Variants in CTNNA3 observed in about 807,000 individuals in gnomAD.
The protein encoded by CTNNA3 is catenin alpha 3.
Under a neutral mutation model 95.7 loss-of-function variants are expected in CTNNA3, and 76 were observed. That is an observed-to-expected ratio of 0.79 (90% confidence interval 0.66 to 0.96). The LOEUF (loss-of-function observed/expected upper bound fraction) is 0.96, where lower values mean the gene tolerates loss of function less well. CTNNA3 is among the 40% of genes least tolerant of loss of function. The pLI is 0.00. For missense variants in CTNNA3, 1,191 were observed against 1,089.8 expected, an observed-to-expected ratio of 1.09 and a Z score of -1.31; for synonymous variants, 431 against 374.4, an observed-to-expected ratio of 1.15 and a Z score of -1.74.
chr10:66,804,961 A>G (rs1841583225), intron 7 of CTNNA3, among the ~76,000 whole-genome samples: 1 of 152,072 alleles, frequency 6.6e-6, no homozygotes, highest in Non-Finnish European at 1.5e-5. Flanking sequence ...TGTTTGTGCA[A>G]ATAATATGCT....
chr10:67,259,080 T>G (rs529882016), intron 5 of CTNNA3, among the ~76,000 whole-genome samples: 2 of 152,340 alleles, frequency 1.3e-5, no homozygotes, highest in South Asian at 4.1e-4. Flanking sequence ...CCCACATATT[T>G]TCAACCCACA....
intron 5 of CTNNA3, among the ~76,000 whole-genome samples, chr10:67,428,813 C>G (rs548615762): frequency 1.3e-5 from 2 of 152,060 alleles, no homozygotes; most frequent in African/African-American, 4.8e-5. Context: ...GCCTACCAGC[C>G]TACATATTTC....
At position 67,066,722 on chromosome 10, in the gene CTNNA3, C is replaced by G. The variant is rs1049137682; in HGVS notation, c.1047+113595G>C. Among the ~76,000 whole-genome samples the G allele has an allele frequency of 2.6e-5, 4 of 152,140 alleles. No individual in the cohort carries two copies. In the South Asian group the frequency reaches 6.2e-4, roughly 24 times the overall value. On this transcript the variant is annotated intron_variant, in intron 7 of 17. Transcript: ENST00000433211. ...TCCCTCTTCCTTTCTGCCTTCTACT[C>G]TTTATATTCTTCATTTTGGAAAGTT...
intron 11 of CTNNA3, among the ~76,000 whole-genome samples, chr10:66,487,508 G>A (rs991850596): frequency 4.0e-5 from 6 of 151,888 alleles, no homozygotes; most frequent in South Asian, 2.1e-4. Flanking sequence ...TTACAGGCGC[G>A]GAGCCACTGT....
At chr10:66,536,131 C>T (rs1057025989) in intron 10 of CTNNA3, among the ~76,000 whole-genome samples, 1 of 121,986 alleles carries the variant, frequency 8.2e-6, no homozygotes, top group South Asian at 3.2e-4. Context: ...GGAGGTGAAA[C>T]GACATGAGAG....
intron 7 of CTNNA3, among the ~76,000 whole-genome samples, chr10:66,795,327 A>G (rs1275634190): frequency 6.6e-6 from 1 of 152,174 alleles, no homozygotes; most frequent in Non-Finnish European, 1.5e-5. Flanking sequence ...CAGGCATGAA[A>G]ACAACATTCA....
chr10:67,292,865 G>T (rs1839891198), intron 5 of CTNNA3, among the ~76,000 whole-genome samples: 1 of 152,078 alleles, frequency 6.6e-6, no homozygotes, highest in East Asian at 1.9e-4. Flanking sequence ...TGCTCACCAT[G>T]TATCACAATT....
intron 7 of CTNNA3, among the ~76,000 whole-genome samples, chr10:67,158,609 G>A (rs766324931): frequency 2.6e-5 from 4 of 152,096 alleles, no homozygotes; most frequent in African/African-American, 7.2e-5. Context: ...ACATGTGCCC[G>A]CATAAGTGTA....
chr10:67,718,721 G>C (rs1042182029), intron 1 of CTNNA3, among the ~76,000 whole-genome samples: 1 of 151,828 alleles, frequency 6.6e-6, no homozygotes, highest in Non-Finnish European at 1.5e-5. Context: ...TTTATTGAGG[G>C]TTTTCGCATC....
chr10:66,723,496 CA>C (rs1554841458), intron 9 of CTNNA3, among the ~76,000 whole-genome samples: 1 of 151,920 alleles, frequency 6.6e-6, no homozygotes, highest in Non-Finnish European at 1.5e-5. Context: ...CTAAGGTCAT[CA>C]AAAAAAATCC....
intron 5 of CTNNA3, among the ~76,000 whole-genome samples, chr10:67,225,682 T>C (rs2132281521): frequency 6.6e-6 from 1 of 152,186 alleles, no homozygotes; most frequent in East Asian, 1.9e-4. Flanking sequence ...GGGAGAGTAC[T>C]ACATCAAGGG....
intron 1 of CTNNA3, among the ~76,000 whole-genome samples, chr10:67,724,199 G>A (rs542136301): frequency 2.0e-5 from 3 of 152,130 alleles, no homozygotes; most frequent in African/African-American, 7.2e-5. Context: ...TCTGGCTCTT[G>A]CTTTTAAGGA....
intron 9 of CTNNA3, among the ~76,000 whole-genome samples, chr10:66,647,195 G>A (rs1028471849): frequency 2.6e-5 from 4 of 151,944 alleles, no homozygotes; most frequent in African/African-American, 9.7e-5. Context: ...ACATCTAAAG[G>A]GTTCATACAC....
At chr10:66,220,620 G>A (rs867339435) in intron 13 of CTNNA3, among the ~76,000 whole-genome samples, 3 of 152,178 alleles carry the variant, frequency 2.0e-5, no homozygotes, top group African/African-American at 7.2e-5. Flanking sequence ...GAATCAGGCC[G>A]CACAAACGAA....
At chr10:67,706,929 T>A (rs892252833) in intron 1 of CTNNA3, among the ~76,000 whole-genome samples, 2 of 152,174 alleles carry the variant, frequency 1.3e-5, no homozygotes, top group African/African-American at 4.8e-5. Flanking sequence ...AAGGAGCTCT[T>A]GATTTTTGTC....
At chr10:67,120,381 T>A (rs914477007) in intron 7 of CTNNA3, among the ~76,000 whole-genome samples, 6 of 151,946 alleles carry the variant, frequency 3.9e-5, no homozygotes, top group Non-Finnish European at 5.9e-5. Flanking sequence ...GCAAGATATA[T>A]ATATTGATTT....
intron 13 of CTNNA3, among the ~76,000 whole-genome samples, chr10:66,110,850 G>A (rs2082095949): frequency 6.6e-6 from 1 of 152,098 alleles, no homozygotes; most frequent in South Asian, 2.1e-4. Context: ...AACAAACCTA[G>A]ATGGTATAAC....
At chr10:66,996,249 G>A (rs1314542326) in intron 7 of CTNNA3, among the ~76,000 whole-genome samples, 1 of 152,076 alleles carries the variant, frequency 6.6e-6, no homozygotes, top group Non-Finnish European at 1.5e-5. Context: ...AAATTTTAAC[G>A]CATCTTGAAT....
chr10:65,956,856 T>A (rs1307834156), intron 17 of CTNNA3, among the ~76,000 whole-genome samples: 1 of 152,244 alleles, frequency 6.6e-6, no homozygotes, highest in Non-Finnish European at 1.5e-5. Flanking sequence ...GAGAAGAATG[T>A]ATATTCTATT....
Sources: gnomAD v4.1 joint callset for allele counts (sites outside exome capture counted in the v4.1 genomes callset) on GRCh38, gnomAD v4.1.1 for gene constraint, MANE v1.5 for transcripts, NCBI Gene and HGNC (gene_info 2026-07-23, HGNC 2026-07-21) for gene names.